The following CUBN variants were observed in gnomAD, a reference collection of about 807,000 sequenced individuals.
The protein encoded by CUBN is 460 kDa receptor.
CUBN carries 282 observed loss-of-function variants against 405.3 expected under a neutral mutation model. The observed-to-expected ratio is 0.70, with a 90% CI of 0.63 to 0.77. CUBN has a LOEUF of 0.77. Ranked by LOEUF, CUBN falls within the 30% of genes least tolerant of loss-of-function variation. The pLI, the probability that CUBN is intolerant of heterozygous loss-of-function variation, is 0.00. For synonymous variants in CUBN, 1,684 were observed against 1,617.0 expected (o/e 1.04, Z -0.99); for missense variants, 4,514 against 4,475.2 (o/e 1.01, Z -0.25).
intron 28 of CUBN, among the ~76,000 whole-genome samples, chr10:17,019,528 C>T (rs185555658): frequency 5.9e-5 from 9 of 152,224 alleles, no homozygotes; most frequent in African/African-American, 1.9e-4. Context: ...CTTGCTATAC[C>T]CAGGTTCAAC....
chr10:16,895,635 AT>A (rs1182712790), intron 54 of CUBN, among the ~76,000 whole-genome samples: 1 of 152,120 alleles, frequency 6.6e-6, no homozygotes, highest in African/African-American at 2.4e-5. Context: ...TCCTTTTATC[AT>A]TATGTAAGAT....
chr10:16,995,471 C>T (rs183387783), intron 28 of CUBN, among the ~76,000 whole-genome samples: 1 of 152,302 alleles, frequency 6.6e-6, no homozygotes, highest in Admixed American at 6.5e-5. Flanking sequence ...TCCTTTCACA[C>T]ATGCTGTGTA....
intron 28 of CUBN, among the ~76,000 whole-genome samples, chr10:16,994,761 C>T (rs893598037): frequency 6.6e-5 from 10 of 152,190 alleles, no homozygotes; most frequent in South Asian, 2.1e-4. Flanking sequence ...TTTAGAAAAG[C>T]CTTTCAAAAG....
chr10:17,088,558 G>A (rs1190733043), intron 14 of CUBN, among the ~76,000 whole-genome samples: 1 of 152,196 alleles, frequency 6.6e-6, no homozygotes, highest in Admixed American at 6.5e-5. Flanking sequence ...TCACCCATGT[G>A]TCAAGCTCTG....
intron 17 of CUBN, among the ~76,000 whole-genome samples, chr10:17,077,064 G>A (rs1023382820): frequency 1.3e-5 from 2 of 152,212 alleles, no homozygotes; most frequent in African/African-American, 4.8e-5. Flanking sequence ...GTGATCACTT[G>A]CAGAGGAGTC....
intron 61 of CUBN, among the ~76,000 whole-genome samples, 165 bp downstream of exon 61, chr10:16,840,720 A>T (rs1291362351): frequency 6.6e-6 from 1 of 152,228 alleles, no homozygotes; most frequent in Non-Finnish European, 1.5e-5. Context: ...GATTAAACAT[A>T]CAGTAATTAA....
intron 14 of CUBN, among the ~76,000 whole-genome samples, chr10:17,098,666 G>T (rs532243573): frequency 6.6e-6 from 1 of 152,112 alleles, no homozygotes; most frequent in Admixed American, 6.6e-5. Flanking sequence ...AATTATGTAC[G>T]TTTAAAAAAT....
At position 17,019,868 on chromosome 10, in the gene CUBN, C is replaced by A. The variant is rs569396234; in HGVS notation, c.4133G>T (p.Arg1378Leu). The change falls in exon 28 of 67, where the codon CGT (arginine) becomes CTT (leucine). Residue 1378 changes from arginine (R) to leucine (L), a missense_variant. Arg to Leu is a moderately radical substitution (Grantham distance 102). Transcript: ENST00000377833. Reference sequence around the variant, plus strand: ...CCACTGCATCTGAAATCCTTTCTCACGGCGGCCAACCCCATCTGTAAGGAG... The same window carrying A: ...CCACTGCATCTGAAATCCTTTCTCAAGGCGGCCAACCCCATCTGTAAGGAG... ...VLLLTDGVGRREKGFQMQWFV... is the reference protein window; with the variant it reads ...VLLLTDGVGRLEKGFQMQWFV... 5.0e-6 allele frequency: 8 copies of A among 1,614,148 alleles called. No individual in the cohort carries two copies. Among genetic ancestry groups the A allele is most frequent in the Non-Finnish European group, 5.9e-6 (7 of 1,180,006 alleles).
rs146995189 is a variant in CUBN, at chr10:16,928,286, G to C, written c.6142C>G (p.Gln2048Glu). 2.6e-4 allele frequency: 416 copies of C among 1,613,812 alleles called. No individual in the cohort carries two copies. In the African/African-American group the frequency reaches 5.2e-3, roughly 20 times the overall value. Residue 2048 changes from glutamine to glutamate, a missense_variant, in exon 41 of 67, where the codon CAG becomes GAG. Physicochemically the swap from Gln to Glu is conservative, Grantham distance 29. This residue lies in a region of CUBN where 1,613 missense variants were observed against 1,542.8 expected (regional missense o/e 1.05). Coordinates refer to ENST00000377833, the MANE Select transcript of CUBN (RefSeq NM_001081.4). ...VIRDGDNNLA[Q>E]QLAVLCGREI... ...CTGCCACAGAGAACTGCTAGCTGCT[G>C]GGCCAAGTTATTATCTCCTACGTTG...
At chr10:16,935,879 CAAAAAAAAAAAAAAA>C (rs369098280) in intron 39 of CUBN, among the ~76,000 whole-genome samples, 1 of 71,416 alleles carries the variant, frequency 1.4e-5, no homozygotes, top group African/African-American at 5.4e-5. Context: ...GACTCCATCT[CAAAAAAAAAAAAAAA>C]AAGAAAAAAA....
At chr10:16,888,674 G>A in intron 55 of CUBN, 108 bp from the exon 56 acceptor site, 1 of 923,796 alleles carries the variant, frequency 1.1e-6, no homozygotes, top group Admixed American at 1.7e-5. Context: ...ATAGTTCCCT[G>A]AGATATTCCA....
At chr10:16,883,620 A>T (rs1026343720) in intron 56 of CUBN, among the ~76,000 whole-genome samples, 3 of 152,002 alleles carry the variant, frequency 2.0e-5, no homozygotes, top group African/African-American at 2.4e-5. Flanking sequence ...TCTAAAACTA[A>T]TTTTTTTTTA....
rs944734475 is a variant in CUBN at position 17,014,019 on chromosome 10, G to C, written c.4168+5814C>G. Among the ~76,000 whole-genome samples, 3 of 152,310 alleles carry C rather than the reference G, an allele frequency of 2.0e-5. No homozygotes were observed. In the South Asian group the frequency reaches 6.2e-4, roughly 32 times the overall value. The stretch of plus-strand genomic sequence containing the variant: ...GCAGGGTTGAGGGCCGTGCATGTAC[G>C]TATCTGAAGCACTGGTCCCTCAAGG... On this transcript the variant is annotated intron_variant, in intron 28 of 66. Transcript: ENST00000377833.
At position 16,831,153 on chromosome 10, in the gene CUBN, A is replaced by T. The variant is rs929565722; in HGVS notation, c.10528+99T>A. On this transcript the variant is annotated intron_variant, in intron 65 of 66. Transcript: ENST00000377833. ...TATTCTTAACATAAACTAATCAGGTACACAGGTAGCTAAAAATATAAAGTT... is the reference window on the plus strand; with the variant it reads ...TATTCTTAACATAAACTAATCAGGTTCACAGGTAGCTAAAAATATAAAGTT... 7 of 1,009,800 alleles carry T rather than the reference A, an allele frequency of 6.9e-6. No individual in the cohort carries two copies. The African/African-American group carries it at 1.1e-4, about 16-fold the overall frequency. 62.6% of individuals were successfully genotyped at this position (1,009,800 alleles called of 1,614,324 possible).
intron 56 of CUBN, among the ~76,000 whole-genome samples, chr10:16,884,178 T>C (rs1840744499): frequency 6.6e-6 from 1 of 152,126 alleles, no homozygotes; most frequent in Admixed American, 6.6e-5. Context: ...GAGACAAGGT[T>C]TCACCGTGTT....
chr10:16,864,534 G>C (rs886449470), intron 59 of CUBN, among the ~76,000 whole-genome samples: 4 of 151,828 alleles, frequency 2.6e-5, no homozygotes, highest in African/African-American at 9.7e-5. Flanking sequence ...AAATTGATCA[G>C]TTTTTTAGTA....
chr10:16,917,299 T>C (rs1415323118), intron 45 of CUBN, among the ~76,000 whole-genome samples: 1 of 152,180 alleles, frequency 6.6e-6, no homozygotes, highest in Middle Eastern at 3.2e-3. Flanking sequence ...GGGGGATACA[T>C]TCCAAGACCC....
intron 28 of CUBN, among the ~76,000 whole-genome samples, chr10:17,005,479 T>C (rs1833991615): frequency 6.6e-6 from 1 of 152,244 alleles, no homozygotes; most frequent in Non-Finnish European, 1.5e-5. Flanking sequence ...ATGTGTGGTC[T>C]AGCTGAAGGA....
At chr10:16,927,479 GAGGAA>G (rs1842225533) in intron 41 of CUBN, among the ~76,000 whole-genome samples, 2 of 152,320 alleles carry the variant, frequency 1.3e-5, no homozygotes, top group Middle Eastern at 3.4e-3. Flanking sequence ...TATAAGCATG[GAGGAA>G]ATATTAGATT....
Sources: allele counts gnomAD v4.1 joint callset (sites outside exome capture counted in the v4.1 genomes callset), GRCh38; gene constraint gnomAD v4.1.1; regional missense constraint gnomAD v4.1.1; transcripts MANE v1.5; gene names NCBI Gene and HGNC (gene_info 2026-07-23, HGNC 2026-07-21).